PCDHGB4: variants seen among roughly 807,000 people sequenced by gnomAD.
The protein encoded by PCDHGB4 is protocadherin gamma subfamily B, 4, also known as protocadherin gamma-B4.
Under a neutral mutation model 60.5 loss-of-function variants are expected in PCDHGB4, and 38 were observed. That is an observed-to-expected ratio of 0.63 (90% CI 0.48 to 0.82). The LOEUF is 0.82. PCDHGB4 is among the 40% of genes least tolerant of loss of function. The probability of loss-of-function intolerance (pLI) is 0.00; values close to 1 mark genes in which losing one functional copy is unlikely to be tolerated. For missense variants in PCDHGB4, 1,109 were observed against 1,209.6 expected, an observed-to-expected ratio of 0.92 and a Z score of 1.23; for synonymous variants, 456 against 509.7, an observed-to-expected ratio of 0.89 and a Z score of 1.42.
intron 1 of PCDHGB4, among the ~76,000 whole-genome samples, chr5:141,464,525 A>G (rs919668801): frequency 3.3e-5 from 5 of 152,064 alleles, no homozygotes; most frequent in Non-Finnish European, 5.9e-5. Context: ...AGGCATATGT[A>G]GTTTTGTTAA....
At chr5:141,426,052 G>T (rs2096912121) in intron 1 of PCDHGB4, among the ~76,000 whole-genome samples, 1 of 152,162 alleles carries the variant, frequency 6.6e-6, no homozygotes, top group South Asian at 2.1e-4. Flanking sequence ...TGGCCAATGT[G>T]CTGCAAGAAC....
chr5:141,475,547 G>A (rs2099364977), intron 1 of PCDHGB4, among the ~76,000 whole-genome samples: 1 of 152,176 alleles, frequency 6.6e-6, no homozygotes, highest in Non-Finnish European at 1.5e-5. Context: ...AGTAGGGTCC[G>A]GCTAATTGTC....
chr5:141,392,877 A>T, intron 1 of PCDHGB4: 1 of 1,613,506 alleles, frequency 6.2e-7, no homozygotes, highest in Non-Finnish European at 8.5e-7. Flanking sequence ...GCTGCTGGGA[A>T]CGCTGTGGGA....
At chr5:141,419,432 C>T (rs2096381830) in intron 1 of PCDHGB4, 1 of 1,613,278 alleles carries the variant, frequency 6.2e-7, no homozygotes, top group East Asian at 2.2e-5. Flanking sequence ...CCACGAGCAG[C>T]TGCGCACCTT....
At chr5:141,447,400 A>G (rs904985523) in intron 1 of PCDHGB4, among the ~76,000 whole-genome samples, 1 of 152,090 alleles carries the variant, frequency 6.6e-6, no homozygotes, top group Non-Finnish European at 1.5e-5. Flanking sequence ...GGCCTCCCAA[A>G]GTGCTGGGAT....
rs777856819 is a variant in PCDHGB4, at chr5:141,487,572, T to A, written c.2398-7235T>A. On this transcript the variant is annotated intron_variant, in intron 1 of 3. Coordinates refer to ENST00000519479, the MANE Select transcript of PCDHGB4 (RefSeq NM_003736.4). The surrounding 1 kb of genome is among the most constrained non-coding windows in gnomAD (Gnocchi z 5.0). ...AGTGCACCTATGGCAGGGGAGCCTG[T>A]TCGCCCAAGCTGCCCACCCTCTGAT... 1 of 1,614,168 alleles carries A rather than the reference T, an allele frequency of 6.2e-7. No individual in the cohort carries two copies. Among genetic ancestry groups the A allele is most frequent in the Non-Finnish European group, 8.5e-7 (1 of 1,180,034 alleles).
At chr5:141,399,279 C>T (rs370090713) in intron 1 of PCDHGB4, 76 of 1,613,576 alleles carry the variant, frequency 4.7e-5, no homozygotes, top group Non-Finnish European at 5.0e-5. Flanking sequence ...AATTACAAGG[C>T]GAAGTCCCTT....
chr5:141,445,975 G>A (rs1279186740), intron 1 of PCDHGB4, among the ~76,000 whole-genome samples: 1 of 152,124 alleles, frequency 6.6e-6, no homozygotes, highest in Non-Finnish European at 1.5e-5. Flanking sequence ...TGATTTATGA[G>A]GGTTATAAAT....
At chr5:141,444,115 AG>A (rs1206374963) in intron 1 of PCDHGB4, among the ~76,000 whole-genome samples, 3 of 147,326 alleles carry the variant, frequency 2.0e-5, no homozygotes, top group Admixed American at 2.0e-4. Context: ...AGAAAAGTGA[AG>A]TATCTCAACA....
chr5:141,411,752 C>T (rs2095512204), intron 1 of PCDHGB4: 1 of 152,734 alleles, frequency 6.5e-6, no homozygotes. Context: ...TGTGGTGGCA[C>T]ATGCCTGTGG....
At chr5:141,455,874 T>C (rs2098834969) in intron 1 of PCDHGB4, among the ~76,000 whole-genome samples, 1 of 146,458 alleles carries the variant, frequency 6.8e-6, no homozygotes, top group South Asian at 2.1e-4. Flanking sequence ...TTTATTTATT[T>C]ATTTATTTAT....
chr5:141,453,287 A>T (rs900058377), intron 1 of PCDHGB4, among the ~76,000 whole-genome samples: 1 of 151,368 alleles, frequency 6.6e-6, no homozygotes, highest in Non-Finnish European at 1.5e-5. Context: ...CTAATTTTTT[A>T]ATTATTTATT....
chr5:141,415,081 C>A, intron 1 of PCDHGB4: 2 of 1,613,522 alleles, frequency 1.2e-6, no homozygotes, highest in Non-Finnish European at 1.7e-6. Flanking sequence ...GGCGCGAGCC[C>A]TGCTGGACAG....
Position 141,389,741 on chromosome 5 carries a change from G to A in PCDHGB4, c.1857G>A (p.Leu619=). Residue 619 remains leucine, a synonymous_variant, in exon 1 of 4, where the codon CTG becomes CTA. Transcript: ENST00000519479. ...ASEPGLFSLG[L]RTGEVRTARA... ...AGCCCGGGCTCTTCAGCCTGGGGCT[G>A]CGCACGGGCGAAGTGCGCACAGCGC... 1.2e-6 allele frequency: 2 copies of A among 1,612,676 alleles called. No individual in the cohort carries two copies. Among genetic ancestry groups the A allele is most frequent in the African/African-American group, 1.3e-5 (1 of 75,056 alleles).
intron 1 of PCDHGB4, chr5:141,419,534 G>C: frequency 6.2e-7 from 1 of 1,612,078 alleles, no homozygotes; most frequent in African/African-American, 1.3e-5. Context: ...TAACGACAAC[G>C]CACCGCGGGT....
chr5:141,395,025 T>C, intron 1 of PCDHGB4: 1 of 1,614,116 alleles, frequency 6.2e-7, no homozygotes, highest in Non-Finnish European at 8.5e-7. Flanking sequence ...CGTGCCTGCC[T>C]CACATTTTGT....
chr5:141,419,769 C>G (rs773303779), intron 1 of PCDHGB4: 3 of 1,613,888 alleles, frequency 1.9e-6, no homozygotes, highest in Non-Finnish European at 2.5e-6. Context: ...GACAAGGACT[C>G]GGTCCGCCAG....
rs1352437587 is a variant in PCDHGB4 at position 141,389,683 on chromosome 5, C to T, written c.1799C>T (p.Ala600Val). ...VAVDADSGHN[A>V]WLSYHVLQAS... is the part of the protein sequence containing the mutation. The stretch of plus-strand genomic sequence containing the variant: ...GTGGACGCAGACTCAGGACACAACG[C>T]CTGGCTGTCCTACCACGTGCTGCAG... Residue 600 changes from alanine to valine, a missense_variant, in exon 1 of 4, where the codon GCC becomes GTC. Around this residue, in one of 2 missense-constraint regions of PCDHGB4, gnomAD observed 1,068 missense variants for 1,089.9 expected, o/e 0.98. Coordinates refer to ENST00000519479, the MANE Select transcript of PCDHGB4 (RefSeq NM_003736.4). 14 of 1,612,374 alleles carry T rather than the reference C, an allele frequency of 8.7e-6. No individual in the cohort carries two copies. In the Admixed American group the frequency reaches 2.3e-4, roughly 27 times the overall value.
intron 1 of PCDHGB4, chr5:141,423,762 G>T: frequency 2.3e-5 from 6 of 264,236 alleles, no homozygotes; most frequent in Non-Finnish European, 3.4e-5. Context: ...GGGGGGGGGT[G>T]GGGCGGCATA....
Sources: allele counts gnomAD v4.1 joint callset (sites outside exome capture counted in the v4.1 genomes callset), GRCh38; gene constraint gnomAD v4.1.1; regional missense constraint gnomAD v4.1.1; non-coding constraint Gnocchi (gnomAD v3.1); transcripts MANE v1.5; gene names NCBI Gene and HGNC (gene_info 2026-07-23, HGNC 2026-07-21).